PTPRM: variants seen among roughly 807,000 people sequenced by gnomAD.
The protein encoded by PTPRM is protein tyrosine phosphatase receptor type M.
A neutral mutation model predicts 186.7 loss-of-function variants in PTPRM; 47 were observed. The ratio of observed to expected loss-of-function variants is 0.25; its 90% confidence interval spans 0.20 to 0.32. The LOEUF is 0.32. Ranked by LOEUF, PTPRM falls within the 10% of genes least tolerant of loss-of-function variation. PTPRM has a pLI of 1.00. For synonymous variants in PTPRM, 668 were observed against 674.9 expected, an observed-to-expected ratio of 0.99 and a Z score of 0.16; for missense variants, 1,494 against 1,865.0, an observed-to-expected ratio of 0.80 and a Z score of 3.66.
Position 8,196,501 on chromosome 18 carries a change from A to G in PTPRM, c.2301-47557A>G, listed in dbSNP as rs140082758. Among the ~76,000 whole-genome samples the G allele has an allele frequency of 1.4e-3, 209 of 152,364 alleles. 2 individuals carry two copies. The South Asian group carries it at 0.024, about 18-fold the overall frequency. On this transcript the variant is annotated intron_variant, in intron 14 of 32. Transcript: ENST00000580170. ...CCAGCATACTGGTTTCGTACAACTC[A>G]GAAACTATCCTGTTTGCACATAGCA... is the stretch of plus-strand genomic sequence containing the variant.
chr18:8,029,739 T>G (rs2148045307), intron 7 of PTPRM, among the ~76,000 whole-genome samples: 1 of 152,328 alleles, frequency 6.6e-6, no homozygotes, highest in South Asian at 2.1e-4. Flanking sequence ...ACTTATTCAG[T>G]TTAGTATCTC....
At chr18:8,231,378 G>T (rs532307189) in intron 14 of PTPRM, among the ~76,000 whole-genome samples, 1 of 152,114 alleles carries the variant, frequency 6.6e-6, no homozygotes, top group Admixed American at 6.5e-5. Flanking sequence ...GTTTCAGAGC[G>T]GGAAACTGGA....
At chr18:8,031,354 C>A (rs73385649) in intron 7 of PTPRM, among the ~76,000 whole-genome samples, 1 of 152,076 alleles carries the variant, frequency 6.6e-6, no homozygotes, top group African/African-American at 2.4e-5. Flanking sequence ...AAATCAATGT[C>A]TGGGAATGAA....
At chr18:7,725,020 GA>G (rs1311168124) in intron 1 of PTPRM, among the ~76,000 whole-genome samples, 2 of 152,134 alleles carry the variant, frequency 1.3e-5, no homozygotes, top group Non-Finnish European at 2.9e-5. Context: ...AGCTAGTTCA[GA>G]AACTTATTCA....
At chr18:8,364,508 G>C (rs2095616179) in intron 23 of PTPRM, among the ~76,000 whole-genome samples, 2 of 152,118 alleles carry the variant, frequency 1.3e-5, no homozygotes, top group Admixed American at 1.3e-4. Context: ...AAACCAAAAG[G>C]TTTGGGGATA....
chr18:8,016,186 T>G (rs2147913732), intron 7 of PTPRM, among the ~76,000 whole-genome samples: 1 of 152,302 alleles, frequency 6.6e-6, no homozygotes, highest in South Asian at 2.1e-4. Flanking sequence ...TTTTTGCTTC[T>G]GAATATTTGA....
intron 11 of PTPRM, among the ~76,000 whole-genome samples, chr18:8,101,493 A>G (rs928467066): frequency 6.6e-6 from 1 of 152,212 alleles, no homozygotes; most frequent in South Asian, 2.1e-4. Flanking sequence ...GCAGCTTGTG[A>G]TAGATAAATA....
intron 1 of PTPRM, among the ~76,000 whole-genome samples, chr18:7,702,162 T>C (rs1474075484): frequency 6.6e-6 from 1 of 152,224 alleles, no homozygotes; most frequent in Non-Finnish European, 1.5e-5. Flanking sequence ...TGTGTGCATG[T>C]GTCTTTATAG....
At position 7,567,936 on chromosome 18, in the gene PTPRM, G is replaced by GCGGGACGCCCGGGACGCC. The variant is rs554237026; in HGVS notation, c.73+46_73+63dup. On this transcript the variant is annotated intron_variant, in intron 1 of 32. Transcript: ENST00000580170. The surrounding 1 kb of genome is among the most constrained non-coding windows in gnomAD (Gnocchi z 4.3). ...CCGCCCCCGAGGCGCGCGGGCCGGC[G>GCGGGACGCCCGGGACGCC]CGGGACGCCCGGGACGCCGACAGCT... The GCGGGACGCCCGGGACGCC allele has an allele frequency of 3.3e-6, 5 of 1,514,518 alleles. No individual in the cohort carries two copies. In the East Asian group the frequency reaches 1.1e-4, roughly 33 times the overall value. 93.8% of individuals were successfully genotyped at this position (1,514,518 alleles called of 1,614,324 possible).
intron 13 of PTPRM, among the ~76,000 whole-genome samples, chr18:8,139,104 T>A (rs2092705176): frequency 6.6e-6 from 1 of 152,138 alleles, no homozygotes; most frequent in Non-Finnish European, 1.5e-5. Flanking sequence ...ACTGCCTACT[T>A]GCTATCTCTT....
At chr18:8,293,025 T>C (rs2095058040) in intron 19 of PTPRM, among the ~76,000 whole-genome samples, 1 of 152,148 alleles carries the variant, frequency 6.6e-6, no homozygotes, top group African/African-American at 2.4e-5. Context: ...TCATCTCATG[T>C]CCCTCAGCTG....
In PTPRM at chr18:7,848,839, G is replaced by A. The variant is rs368479351; in HGVS notation, c.197-39267G>A. 1.3e-4 allele frequency among the ~76,000 whole-genome samples: 20 copies of A among 152,248 alleles called. No individual in the cohort carries two copies. The East Asian group carries it at 1.5e-3, about 12-fold the overall frequency. The stretch of plus-strand genomic sequence containing the variant: ...CTTTACACAGTGAGAGTAAGCCACT[G>A]TTTCTAAAATGAAGTTTTTTTTAAA... On this transcript the variant is annotated intron_variant, in intron 2 of 32. Coordinates refer to ENST00000580170, the MANE Select transcript of PTPRM (RefSeq NM_001105244.2).
chr18:8,400,754 A>G (rs1046530462), intron 32 of PTPRM, among the ~76,000 whole-genome samples: 1 of 152,206 alleles, frequency 6.6e-6, no homozygotes, highest in African/African-American at 2.4e-5. Flanking sequence ...CAATGGACTC[A>G]CATACAAAAT....
intron 1 of PTPRM, among the ~76,000 whole-genome samples, chr18:7,770,314 AT>A (rs2042217328): frequency 2.0e-5 from 3 of 152,192 alleles, no homozygotes; most frequent in Non-Finnish European, 4.4e-5. Flanking sequence ...TGGCACTTCC[AT>A]GTTTAATAGA....
chr18:8,027,000 C>A (rs2085612895), intron 7 of PTPRM, among the ~76,000 whole-genome samples: 3 of 152,096 alleles, frequency 2.0e-5, no homozygotes, highest in African/African-American at 7.2e-5. Flanking sequence ...GTCAAAGAAT[C>A]TTTTTAAAAT....
chr18:7,799,429 G>C (rs1255102179), intron 2 of PTPRM, among the ~76,000 whole-genome samples: 1 of 152,126 alleles, frequency 6.6e-6, no homozygotes, highest in Non-Finnish European at 1.5e-5. Context: ...GCATTTCCAT[G>C]TGAACCTTAA....
intron 2 of PTPRM, among the ~76,000 whole-genome samples, chr18:7,876,643 T>C (rs1431710715): frequency 1.3e-5 from 2 of 152,206 alleles, no homozygotes; most frequent in Non-Finnish European, 2.9e-5. Context: ...CCTCCAGCAG[T>C]CTAGCCTGGA....
At chr18:7,664,637 G>A (rs1237265275) in intron 1 of PTPRM, among the ~76,000 whole-genome samples, 3 of 152,074 alleles carry the variant, frequency 2.0e-5, no homozygotes, top group African/African-American at 4.8e-5. Context: ...CGTGGTGGCT[G>A]GGTTCCAGGA....
At chr18:7,764,724 A>G (rs1470974429) in intron 1 of PTPRM, among the ~76,000 whole-genome samples, 1 of 152,200 alleles carries the variant, frequency 6.6e-6, no homozygotes, top group Non-Finnish European at 1.5e-5. Context: ...TTGGAAAATC[A>G]CTGCTCTAGT....
Sources: allele counts gnomAD v4.1 joint callset (sites outside exome capture counted in the v4.1 genomes callset), GRCh38; gene constraint gnomAD v4.1.1; non-coding constraint Gnocchi (gnomAD v3.1); transcripts MANE v1.5; gene names NCBI Gene and HGNC (gene_info 2026-07-23, HGNC 2026-07-21).